TIAM1: variants seen among roughly 807,000 people sequenced by gnomAD.
The protein encoded by TIAM1 is TIAM Rac1 associated GEF 1, also known as rho guanine nucleotide exchange factor TIAM1.
Under a neutral mutation model 163.5 loss-of-function variants are expected in TIAM1, and 65 were observed. The ratio of observed to expected loss-of-function variants is 0.40; its 90% CI spans 0.33 to 0.49. The LOEUF (loss-of-function observed/expected upper bound fraction) is 0.49, where lower values mean the gene tolerates loss of function less well. Ranked by LOEUF, TIAM1 falls within the 20% of genes least tolerant of loss-of-function variation. TIAM1 has a pLI of 0.77. For synonymous variants in TIAM1, 833 were observed against 810.1 expected, an observed-to-expected ratio of 1.03 and a Z score of -0.48; for missense variants, 1,789 against 2,044.7, an observed-to-expected ratio of 0.87 and a Z score of 2.41.
chr21:31,130,370 G>T, intron 24 of TIAM1, 55 bp from the exon 25 acceptor site: 1 of 1,411,234 alleles, frequency 7.1e-7, no homozygotes, highest in Non-Finnish European at 1.0e-6. Context: ...CCCCGGACCA[G>T]TTCCCTGCAT....
chr21:31,144,061 C>T (rs553790049), intron 20 of TIAM1, among the ~76,000 whole-genome samples: 1 of 152,246 alleles, frequency 6.6e-6, no homozygotes, highest in African/African-American at 2.4e-5. Flanking sequence ...ACACAGCAAT[C>T]ATGGGGGAAG....
At position 31,127,086 on chromosome 21, in the gene TIAM1, C is replaced by G. The variant is rs1374300737; in HGVS notation, c.4112G>C (p.Arg1371Thr). The change falls in exon 26 of 28, where the codon AGG (arginine) becomes ACG (threonine). Residue 1371 changes from arginine to threonine, a missense_variant. Transcript: ENST00000541036. ...TCACCTGCAGCACAAGTGAAAGACC[C>G]TCTCCGGCCTCCCTTCAGACTCGGA... ...VKSESEGRPE[R>T]VFHLCCSSPE... 1.2e-6 allele frequency: 2 copies of G among 1,614,092 alleles called. No individual in the cohort carries two copies. The highest frequency in any genetic ancestry group is 1.1e-5 in the South Asian group (1 of 91,078).
At chr21:31,427,204 C>T (rs2043823196) in intron 2 of TIAM1, among the ~76,000 whole-genome samples, 2 of 152,294 alleles carry the variant, frequency 1.3e-5, no homozygotes, top group South Asian at 2.1e-4. Context: ...TAAAGGTCAT[C>T]GACCGGGCAC....
intron 23 of TIAM1, among the ~76,000 whole-genome samples, chr21:31,135,619 A>G (rs1367605123): frequency 2.0e-5 from 3 of 151,686 alleles, no homozygotes; most frequent in Admixed American, 6.6e-5. Flanking sequence ...TAATTAACCC[A>G]TTATTTTGAA....
intron 12 of TIAM1, among the ~76,000 whole-genome samples, chr21:31,201,215 C>G (rs1021334420): frequency 5.9e-5 from 9 of 152,318 alleles, no homozygotes; most frequent in African/African-American, 2.2e-4. Context: ...GAAAGCACTT[C>G]CCTTTTTTAA....
intron 2 of TIAM1, among the ~76,000 whole-genome samples, chr21:31,414,874 C>T (rs932139440): frequency 6.6e-6 from 1 of 152,212 alleles, no homozygotes; most frequent in African/African-American, 2.4e-5. Context: ...CGGACACACA[C>T]CGCCCACAAT....
chr21:31,341,769 T>C (rs1303661484), intron 1 of TIAM1, among the ~76,000 whole-genome samples: 2 of 152,070 alleles, frequency 1.3e-5, no homozygotes, highest in African/African-American at 2.4e-5. Flanking sequence ...ACGAACTCAG[T>C]TGCTAATTTT....
At chr21:31,210,803 A>G (rs1003358064) in intron 10 of TIAM1, among the ~76,000 whole-genome samples, 3 of 144,062 alleles carry the variant, frequency 2.1e-5, no homozygotes, top group Admixed American at 6.8e-5. Flanking sequence ...AGAAAGAAAG[A>G]AAGAAAGAAA....
chr21:31,232,411 A>C (rs1433848098), intron 6 of TIAM1, among the ~76,000 whole-genome samples: 1 of 152,200 alleles, frequency 6.6e-6, no homozygotes, highest in Non-Finnish European at 1.5e-5. Context: ...ATTTCTCAGA[A>C]GGACAATTCA....
At chr21:31,276,525 C>A (rs1384932463) in intron 3 of TIAM1, among the ~76,000 whole-genome samples, 2 of 152,130 alleles carry the variant, frequency 1.3e-5, no homozygotes, top group East Asian at 3.8e-4. Flanking sequence ...TCATAGGCAC[C>A]TACTTTGTCT....
chr21:31,143,906 G>C (rs1424894346), intron 20 of TIAM1, among the ~76,000 whole-genome samples: 1 of 149,098 alleles, frequency 6.7e-6, no homozygotes, highest in African/African-American at 2.5e-5. Flanking sequence ...TTTTTTTTTT[G>C]TATTTTTAGT....
In TIAM1 at chr21:31,217,707, T is replaced by A. The variant is rs1302537760; in HGVS notation, c.1996-8A>T. 5 of 1,612,260 alleles carry A rather than the reference T, an allele frequency of 3.1e-6. No homozygotes were observed. The highest frequency in any genetic ancestry group is 4.2e-6 in the Non-Finnish European group (5 of 1,179,068). ...ACCAGTGCGTGCTGCCACCTGAGGATGGCAAGGACAAGCAGCCACAAGGGA... is the reference window on the plus strand; with the variant it reads ...ACCAGTGCGTGCTGCCACCTGAGGAAGGCAAGGACAAGCAGCCACAAGGGA... On this transcript the variant is annotated splice_region_variant and splice_polypyrimidine_tract_variant and intron_variant, in intron 8 of 27. Coordinates refer to ENST00000541036, the MANE Select transcript of TIAM1 (RefSeq NM_001353694.2).
chr21:31,135,852 G>T, intron 23 of TIAM1, 81 bp downstream of exon 23: 1 of 1,283,582 alleles, frequency 7.8e-7, no homozygotes, highest in Non-Finnish European at 1.1e-6. Flanking sequence ...TTAATCAATT[G>T]GGTCTTGAAA....
intron 3 of TIAM1, among the ~76,000 whole-genome samples, chr21:31,276,061 T>C (rs1469038239): frequency 6.6e-6 from 1 of 152,064 alleles, no homozygotes; most frequent in Non-Finnish European, 1.5e-5. Flanking sequence ...GACAACAGAT[T>C]GCAAATGTAA....
At chr21:31,311,853 C>A (rs2074942838) in intron 2 of TIAM1, among the ~76,000 whole-genome samples, 1 of 152,122 alleles carries the variant, frequency 6.6e-6, no homozygotes, top group Non-Finnish European at 1.5e-5. Flanking sequence ...GAGAGGCAGA[C>A]CCACCCTCAA....
chr21:31,259,602 ACACAG>A (rs966694840), intron 4 of TIAM1, among the ~76,000 whole-genome samples: 3 of 149,998 alleles, frequency 2.0e-5, no homozygotes, highest in Non-Finnish European at 4.4e-5. Flanking sequence ...AGCCTGGGAA[ACACAG>A]CAAGACCTGT....
intron 6 of TIAM1, among the ~76,000 whole-genome samples, chr21:31,236,740 T>C (rs2146682808): frequency 6.6e-6 from 1 of 152,228 alleles, no homozygotes; most frequent in East Asian, 1.9e-4. Flanking sequence ...ATGTGGCTTT[T>C]AATAAAAGGA....
intron 2 of TIAM1, among the ~76,000 whole-genome samples, chr21:31,332,279 T>C (rs893546602): frequency 6.6e-6 from 1 of 152,136 alleles, no homozygotes; most frequent in African/African-American, 2.4e-5. Context: ...AAATAAATAA[T>C]GCAGCACTAT....
At chr21:31,486,652 T>C (rs1257643567) in intron 1 of TIAM1, among the ~76,000 whole-genome samples, 1 of 152,214 alleles carries the variant, frequency 6.6e-6, no homozygotes, top group Non-Finnish European at 1.5e-5. Context: ...AGGTGGAAGC[T>C]TCCTGCATCC....
Sources: gnomAD v4.1 joint callset for allele counts (sites outside exome capture counted in the v4.1 genomes callset) on GRCh38, gnomAD v4.1.1 for gene constraint, MANE v1.5 for transcripts, NCBI Gene and HGNC (gene_info 2026-07-23, HGNC 2026-07-21) for gene names.